The following SYT14 variants were observed in gnomAD, a reference collection of about 807,000 sequenced individuals.
The protein encoded by SYT14 is synaptotagmin-14.
SYT14 carries 32 observed loss-of-function variants against 74.2 expected under a neutral mutation model. The ratio of observed to expected loss-of-function variants is 0.43; its 90% CI spans 0.33 to 0.58. The LOEUF (loss-of-function observed/expected upper bound fraction) is 0.58. SYT14 is among the 20% of genes least tolerant of loss of function. SYT14 has a pLI of 0.05. For missense variants in SYT14, 791 were observed against 981.8 expected, an observed-to-expected ratio of 0.81 and a Z score of 2.60; for synonymous variants, 298 against 337.7, an observed-to-expected ratio of 0.88 and a Z score of 1.29.
At chr1:210,094,623 T>A (rs1436884790) in intron 6 of SYT14, 30 bp downstream of exon 5, 1 of 1,611,306 alleles carries the variant, frequency 6.2e-7, no homozygotes, top group East Asian at 2.2e-5. Context: ...AGTTTGAAAA[T>A]GAATGTTATT....
chr1:210,065,268 T>C (rs545592683), intron 5 of SYT14, among the ~76,000 whole-genome samples: 1 of 152,086 alleles, frequency 6.6e-6, no homozygotes, highest in Non-Finnish European at 1.5e-5. Flanking sequence ...CCACATGTCA[T>C]GGGAGGAACC....
At chr1:210,143,184 G>C (rs1261236608) in intron 7 of SYT14, among the ~76,000 whole-genome samples, 1 of 152,114 alleles carries the variant, frequency 6.6e-6, no homozygotes, top group Non-Finnish European at 1.5e-5. Context: ...AAAAAGAGAA[G>C]ATGCCCAAAA....
chr1:210,154,313 G>A (rs1178263174), intron 7 of SYT14, among the ~76,000 whole-genome samples: 3 of 152,152 alleles, frequency 2.0e-5, no homozygotes, highest in East Asian at 3.9e-4. Flanking sequence ...CGCACAGCAG[G>A]AGGTGAGCAG....
At chr1:210,001,085 C>T (rs1305646900) in intron 2 of SYT14, among the ~76,000 whole-genome samples, 1 of 152,108 alleles carries the variant, frequency 6.6e-6, no homozygotes, top group Non-Finnish European at 1.5e-5. Flanking sequence ...CCAGGGCATC[C>T]TAAAACCTCT....
chr1:210,029,834 G>A (rs1017801140), intron 5 of SYT14, among the ~76,000 whole-genome samples: 3 of 152,084 alleles, frequency 2.0e-5, no homozygotes, highest in Admixed American at 2.0e-4. Context: ...ATCACTTTTG[G>A]TATTATTGAC....
At chr1:209,955,644 A>G (rs1449215023) in intron 2 of SYT14, among the ~76,000 whole-genome samples, 1 of 152,166 alleles carries the variant, frequency 6.6e-6, no homozygotes. Flanking sequence ...CAGGCCAACC[A>G]CTTTGCTTGT....
intron 2 of SYT14, among the ~76,000 whole-genome samples, chr1:209,954,249 A>G (rs1386952135): frequency 6.6e-6 from 1 of 152,198 alleles, no homozygotes; most frequent in East Asian, 1.9e-4. Flanking sequence ...GAAAGCTACA[A>G]TGGAGAAAAT....
chr1:210,120,429 G>A (rs1305008590), intron 7 of SYT14, among the ~76,000 whole-genome samples: 2 of 150,540 alleles, frequency 1.3e-5, no homozygotes, highest in African/African-American at 4.9e-5. Flanking sequence ...GCACAATCAA[G>A]ATTCACTGCA....
At chr1:210,019,131 CAAAAAAAAAA>C (rs1215149823) in intron 4 of SYT14, among the ~76,000 whole-genome samples, 3 of 56,682 alleles carry the variant, frequency 5.3e-5, no homozygotes, top group African/African-American at 1.4e-4. Context: ...TGAGACTCCT[CAAAAAAAAAA>C]AAAAAAAAAA....
intron 5 of SYT14, among the ~76,000 whole-genome samples, chr1:210,051,642 G>T (rs1295324267): frequency 6.6e-6 from 1 of 152,028 alleles, no homozygotes; most frequent in Non-Finnish European, 1.5e-5. Flanking sequence ...ACATATGTGT[G>T]TATGTGTGTA....
chr1:210,054,788 G>A (rs535822648), intron 5 of SYT14, among the ~76,000 whole-genome samples: 34 of 152,264 alleles, frequency 2.2e-4, no homozygotes, highest in African/African-American at 7.9e-4. Flanking sequence ...GTGATATACT[G>A]CTTGGCTGCA....
intron 1 of SYT14, among the ~76,000 whole-genome samples, chr1:209,939,000 C>T (rs914072793): frequency 6.6e-6 from 1 of 152,102 alleles, no homozygotes; most frequent in African/African-American, 2.4e-5. Flanking sequence ...TGTTATAGTG[C>T]CACAATGCTC....
chr1:210,060,230 G>C (rs576699390), intron 5 of SYT14, among the ~76,000 whole-genome samples: 1 of 152,016 alleles, frequency 6.6e-6, no homozygotes, highest in South Asian at 2.1e-4. Context: ...ACAGGCTCAC[G>C]TTTCCTTTTG....
intron 1 of SYT14, among the ~76,000 whole-genome samples, chr1:209,942,653 C>T (rs2078754590): frequency 6.6e-6 from 1 of 152,156 alleles, no homozygotes. Context: ...TGCTAGTTAT[C>T]TTCATATTGC....
intron 8 of SYT14, among the ~76,000 whole-genome samples, chr1:210,158,960 A>G (rs1282810772): frequency 6.6e-6 from 1 of 152,144 alleles, no homozygotes; most frequent in Non-Finnish European, 1.5e-5. Context: ...CAAAAAGTTC[A>G]ATAGTCCTAT....
In SYT14 at chr1:210,100,001, T is replaced by C. The variant is rs1323754872; in HGVS notation, c.1585-11T>C. On this transcript the variant is annotated splice_polypyrimidine_tract_variant and intron_variant, in intron 6 of 9. Transcript: ENST00000637265. Reference sequence around the variant, plus strand: ...GTTAAAAACTCTAACATTTAAATTTTCTTTTCTTAGGATATGTCAGCTCAA... The same window carrying C: ...GTTAAAAACTCTAACATTTAAATTTCCTTTTCTTAGGATATGTCAGCTCAA... 1 of 1,612,374 alleles carries C rather than the reference T, an allele frequency of 6.2e-7. No individual in the cohort carries two copies. The highest frequency in any genetic ancestry group is 8.5e-7 in the Non-Finnish European group (1 of 1,179,122).
chr1:210,144,657 T>C (rs2082993261), intron 7 of SYT14, among the ~76,000 whole-genome samples: 2 of 152,064 alleles, frequency 1.3e-5, no homozygotes, highest in Non-Finnish European at 2.9e-5. Context: ...ATCCAAAACA[T>C]GGAAGACACT....
intron 2 of SYT14, among the ~76,000 whole-genome samples, chr1:209,993,280 G>A (rs991424441): frequency 3.9e-5 from 6 of 152,216 alleles, no homozygotes; most frequent in Non-Finnish European, 5.9e-5. Context: ...CCTGTCGACT[G>A]CCCCTCCTTG....
At chr1:209,973,197 CTTTCA>C (rs1406443910) in intron 2 of SYT14, among the ~76,000 whole-genome samples, 2 of 149,938 alleles carry the variant, frequency 1.3e-5, no homozygotes, top group African/African-American at 4.9e-5. Flanking sequence ...TGTGATAGAT[CTTTCA>C]TTTCATTTTA....
Sources: gnomAD v4.1 joint callset for allele counts (sites outside exome capture counted in the v4.1 genomes callset) on GRCh38, gnomAD v4.1.1 for gene constraint, MANE v1.5 for transcripts, NCBI Gene and HGNC (gene_info 2026-07-23, HGNC 2026-07-21) for gene names.